The following ANO6 variants were observed in gnomAD, a reference collection of about 807,000 sequenced individuals.
ANO6 encodes the protein anoctamin-6.
ANO6 carries 106 observed loss-of-function variants against 117.5 expected under a neutral mutation model. The ratio of observed to expected loss-of-function variants is 0.90; its 90% CI spans 0.77 to 1.06. ANO6 has a LOEUF of 1.06. Among genes scored for constraint, ANO6 ranks in the 50% least tolerant of loss-of-function variants. The pLI, the probability that ANO6 is intolerant of heterozygous loss-of-function variation, is 0.00. For missense variants in ANO6, 955 were observed against 1,121.1 expected, an observed-to-expected ratio of 0.85 and a Z score of 2.12; for synonymous variants, 367 against 385.1, an observed-to-expected ratio of 0.95 and a Z score of 0.55.
intron 9 of ANO6, among the ~76,000 whole-genome samples, chr12:45,369,897 G>A (rs1941779531): frequency 6.6e-6 from 1 of 152,206 alleles, no homozygotes; most frequent in Non-Finnish European, 1.5e-5. Context: ...AACATGGTAA[G>A]TTCTAATATT....
intron 1 of ANO6, among the ~76,000 whole-genome samples, chr12:45,298,012 T>C (rs1295767535): frequency 6.6e-6 from 1 of 152,208 alleles, no homozygotes; most frequent in Non-Finnish European, 1.5e-5. Context: ...GTGTGCAAAA[T>C]ATAAAGTAGA....
intron 1 of ANO6, among the ~76,000 whole-genome samples, chr12:45,265,740 A>C (rs1445231083): frequency 6.6e-6 from 1 of 152,116 alleles, no homozygotes. Context: ...TAGACTCTAT[A>C]CTGTGTAGGG....
intron 10 of ANO6, among the ~76,000 whole-genome samples, chr12:45,384,666 G>A (rs1296462807): frequency 6.6e-6 from 1 of 152,140 alleles, no homozygotes; most frequent in Non-Finnish European, 1.5e-5. Flanking sequence ...TCTTACATAG[G>A]TGGACTTCAT....
At chr12:45,352,656 A>G (rs58213849) in intron 7 of ANO6, among the ~76,000 whole-genome samples, 3,021 of 150,666 alleles carry the variant, frequency 0.02, 42 homozygotes, top group East Asian at 0.038. Context: ...GCTCGAGTCC[A>G]GGAGTTTGAG....
intron 15 of ANO6, among the ~76,000 whole-genome samples, chr12:45,405,558 G>C (rs1388674591): frequency 2.0e-5 from 3 of 152,186 alleles, no homozygotes; most frequent in Admixed American, 2.0e-4. Context: ...GACTGGTGCT[G>C]CTTCTCTTTG....
intron 8 of ANO6, among the ~76,000 whole-genome samples, chr12:45,359,790 C>G (rs1941506986): frequency 6.6e-6 from 1 of 152,202 alleles, no homozygotes; most frequent in Non-Finnish European, 1.5e-5. Context: ...TTTCACATCT[C>G]TTGAGAATAT....
chr12:45,338,270 T>C (rs1940882933), intron 3 of ANO6, among the ~76,000 whole-genome samples: 1 of 152,052 alleles, frequency 6.6e-6, no homozygotes, highest in Non-Finnish European at 1.5e-5. Context: ...TCATGAATCC[T>C]CATAAAGAGG....
chr12:45,382,727 A>G (rs906875610), intron 10 of ANO6, among the ~76,000 whole-genome samples: 1 of 152,236 alleles, frequency 6.6e-6, no homozygotes, highest in Admixed American at 6.5e-5. Context: ...GTTATACTAT[A>G]CTATAGTCTA....
At chr12:45,228,153 T>C in intron 1 of ANO6, 1 of 419,490 alleles carries the variant, frequency 2.4e-6, no homozygotes, top group Non-Finnish European at 4.6e-6. Flanking sequence ...TGACAGGGTC[T>C]CTTTCTGTTG....
intron 8 of ANO6, among the ~76,000 whole-genome samples, chr12:45,359,685 T>G (rs1941504062): frequency 6.6e-6 from 1 of 152,268 alleles, no homozygotes; most frequent in African/African-American, 2.4e-5. Context: ...TGTTTATTCA[T>G]TAATTGATGG....
chr12:45,345,061 A>G (rs1474871604), intron 3 of ANO6, among the ~76,000 whole-genome samples: 1 of 152,150 alleles, frequency 6.6e-6, no homozygotes, highest in Non-Finnish European at 1.5e-5. Context: ...TAGGGAAGTT[A>G]TACCACTTGC....
chr12:45,398,698 A>T (rs532031112), intron 12 of ANO6, among the ~76,000 whole-genome samples: 1 of 152,236 alleles, frequency 6.6e-6, no homozygotes, highest in African/African-American at 2.4e-5. Flanking sequence ...GCGATGAGAA[A>T]GTATGGTCAT....
At chr12:45,322,305 G>GTGGTTAGC in intron 2 of ANO6, among the ~76,000 whole-genome samples, 1 of 152,126 alleles carries the variant, frequency 6.6e-6, no homozygotes, top group Non-Finnish European at 1.5e-5. Flanking sequence ...AGGTGGTTAG[G>GTGGTTAGC]AGAGCAGGAG....
Position 45,216,148 on chromosome 12 carries a change from G to A in ANO6, c.-174G>A, listed in dbSNP as rs1213522135. The A allele has an allele frequency of 2.3e-5, 16 of 686,770 alleles. No homozygotes were observed. The highest frequency in any genetic ancestry group is 1.6e-4 in the Admixed American group (6 of 38,008). 42.5% of individuals were successfully genotyped at this position (686,770 alleles called of 1,614,324 possible). A position where few individuals can be genotyped will look rare whatever the true frequency, so the allele number is the denominator to read the frequency against. ...AGGCGTCCTCCGGCTCTGGGCTCCG[G>A]TCGGTGGGTGCCTCGGCTCGGCTTT... is the stretch of plus-strand genomic sequence containing the variant. On this transcript the variant is annotated 5_prime_UTR_variant, in exon 1 of 20. Coordinates refer to ENST00000320560, the MANE Select transcript of ANO6 (RefSeq NM_001025356.3).
At chr12:45,273,258 G>A (rs1204375915) in intron 1 of ANO6, among the ~76,000 whole-genome samples, 1 of 152,100 alleles carries the variant, frequency 6.6e-6, no homozygotes, top group Non-Finnish European at 1.5e-5. Context: ...TTTGATTGTG[G>A]TAATTGTTAC....
chr12:45,217,191 A>G (rs1405015566), intron 1 of ANO6, among the ~76,000 whole-genome samples: 1 of 152,178 alleles, frequency 6.6e-6, no homozygotes, highest in African/African-American at 2.4e-5. Context: ...GAAAGGAATG[A>G]GAGGACTAGA....
intron 12 of ANO6, among the ~76,000 whole-genome samples, chr12:45,394,671 G>C (rs1420351401): frequency 1.3e-5 from 2 of 152,172 alleles, no homozygotes; most frequent in Non-Finnish European, 2.9e-5. Context: ...AATCAAACTA[G>C]AACTCAGGAT....
At chr12:45,217,721 G>A (rs768741252) in intron 1 of ANO6, among the ~76,000 whole-genome samples, 16 of 152,104 alleles carry the variant, frequency 1.1e-4, no homozygotes, top group Non-Finnish European at 1.9e-4. Context: ...CTTACCACTG[G>A]GTCACTCTGG....
Position 45,216,245 on chromosome 12 carries a change from C to G in ANO6, c.-77C>G. The G allele has an allele frequency of 2.6e-6, 4 of 1,516,032 alleles. No homozygotes were observed. Among genetic ancestry groups the G allele is most frequent in the Non-Finnish European group, 3.6e-6 (4 of 1,114,312 alleles). The allele number at this position is 1,516,032 out of a possible 1,614,324, so 93.9% of individuals were successfully genotyped here. On this transcript the variant is annotated 5_prime_UTR_variant, in exon 1 of 20. Transcript: ENST00000320560. ...CGCCCCGCGGTCCCCGATCCGGCCC[C>G]TGGGAGAGCCGCGCCGTTCTGGAAC... is the stretch of plus-strand genomic sequence containing the variant.
Sources: allele counts gnomAD v4.1 joint callset (sites outside exome capture counted in the v4.1 genomes callset), GRCh38; gene constraint gnomAD v4.1.1; transcripts MANE v1.5; gene names NCBI Gene and HGNC (gene_info 2026-07-23, HGNC 2026-07-21).